TNRC6C: variants seen among roughly 807,000 people sequenced by gnomAD.
TNRC6C encodes trinucleotide repeat-containing gene 6C protein.
Under a neutral mutation model 153.7 loss-of-function variants are expected in TNRC6C, and 20 were observed. The ratio of observed to expected loss-of-function variants is 0.13; its 90% CI spans 0.09 to 0.19. TNRC6C has a LOEUF of 0.19. Ranked by LOEUF, TNRC6C falls within the 10% of genes least tolerant of loss-of-function variation. The pLI is 1.00. For missense variants in TNRC6C, 1,987 were observed against 2,172.0 expected, an observed-to-expected ratio of 0.91 and a Z score of 1.69; for synonymous variants, 811 against 841.4, an observed-to-expected ratio of 0.96 and a Z score of 0.63.
intron 1 of TNRC6C, among the ~76,000 whole-genome samples, chr17:77,981,001 A>G (rs2071068764): frequency 6.6e-6 from 1 of 152,044 alleles, no homozygotes; most frequent in Admixed American, 6.5e-5. Flanking sequence ...TTTTGGAGGC[A>G]GTCTCACTCT....
intron 4 of TNRC6C, among the ~76,000 whole-genome samples, chr17:78,066,028 C>T (rs754248922): frequency 5.9e-5 from 9 of 152,050 alleles, no homozygotes; most frequent in Non-Finnish European, 8.8e-5. Flanking sequence ...GTCAGGAGTT[C>T]GAAACCAGCC....
intron 1 of TNRC6C, among the ~76,000 whole-genome samples, chr17:77,972,597 A>G (rs1427347266): frequency 2.0e-5 from 3 of 152,204 alleles, no homozygotes; most frequent in Non-Finnish European, 4.4e-5. Context: ...CTTTATACCA[A>G]CAAAAGATGA....
chr17:77,958,002 C>A (rs1598631338), upstream of TNRC6C, among the ~76,000 whole-genome samples: 1 of 152,204 alleles, frequency 6.6e-6, no homozygotes, highest in Admixed American at 6.5e-5. Context: ...TTGCTCGCAG[C>A]TGGGCGCTCC....
chr17:78,082,674 C>A (rs2144438224), intron 10 of TNRC6C, among the ~76,000 whole-genome samples: 1 of 152,016 alleles, frequency 6.6e-6, no homozygotes, highest in Non-Finnish European at 1.5e-5. Flanking sequence ...CTCATGCATC[C>A]ATTTATAGGC....
chr17:77,988,988 A>G (rs571282907), intron 1 of TNRC6C, among the ~76,000 whole-genome samples: 2 of 152,334 alleles, frequency 1.3e-5, no homozygotes, highest in South Asian at 2.1e-4. Context: ...TATGTATTGA[A>G]TGAAAGATTG....
At position 78,049,088 on chromosome 17, in the gene TNRC6C, A is replaced by T; in HGVS notation, c.26A>T (p.Asn9Ile). 6.4e-7 allele frequency: 1 copy of T among 1,554,368 alleles called. No individual in the cohort carries two copies. The highest frequency in any genetic ancestry group is 8.7e-7 in the Non-Finnish European group (1 of 1,148,452). ...ATGGCTACAGGGAGTGCCCAGGGCA[A>T]CTTCACTGGACATACCAAGAAGACA... Residue 9 changes from asparagine (N) to isoleucine (I), a missense_variant, in exon 3 of 20, where the codon AAC becomes ATC. This residue lies in a region of TNRC6C where 1,052 missense variants were observed against 1,017.0 expected (regional missense o/e 1.03). Transcript: ENST00000301624. This position sits in a 1 kb window ranked among gnomAD's most constrained non-coding sequence, Gnocchi z 4.1.
chr17:78,019,462 A>T (rs1344903676), intron 1 of TNRC6C, among the ~76,000 whole-genome samples: 12 of 152,206 alleles, frequency 7.9e-5, no homozygotes, highest in Admixed American at 6.5e-4. Context: ...TGACAACACT[A>T]CCTGAAAATT....
At position 78,071,080 on chromosome 17, in the gene TNRC6C, T is replaced by G; in HGVS notation, c.2779-5T>G. 6.3e-7 allele frequency: 1 copy of G among 1,598,544 alleles called. No individual in the cohort carries two copies. Among genetic ancestry groups the G allele is most frequent in the Non-Finnish European group, 8.5e-7 (1 of 1,172,354 alleles). On this transcript the variant is annotated splice_polypyrimidine_tract_variant and splice_region_variant and intron_variant, in intron 5 of 19. Coordinates refer to ENST00000301624, the Ensembl canonical transcript of TNRC6C. ...GACTTCCCCCTTTCCCACACTTTGT[T>G]CAAGGGCATGAAGACGTCTGGCAAG...
intron 1 of TNRC6C, among the ~76,000 whole-genome samples, chr17:77,980,452 C>G (rs1015520507): frequency 6.6e-6 from 1 of 152,144 alleles, no homozygotes; most frequent in African/African-American, 2.4e-5. Flanking sequence ...AGCAAGCAGT[C>G]AGTTCTGCAG....
chr17:78,006,492 T>TTTCTTCTTCTTCTTC (rs57078929), intron 1 of TNRC6C, among the ~76,000 whole-genome samples: 34 of 110,500 alleles, frequency 3.1e-4, no homozygotes, highest in East Asian at 5.5e-4. Flanking sequence ...CTTCTTCTTC[T>TTTCTTCTTCTTCTTC]TTCTTCTTCT....
intron 1 of TNRC6C, among the ~76,000 whole-genome samples, chr17:78,030,680 A>T (rs1309748526): frequency 6.6e-6 from 1 of 152,260 alleles, no homozygotes; most frequent in Non-Finnish European, 1.5e-5. Flanking sequence ...AATTAAAACA[A>T]AAATACATAT....
intron 1 of TNRC6C, among the ~76,000 whole-genome samples, chr17:78,007,618 G>A (rs1409746629): frequency 7.9e-5 from 12 of 152,146 alleles, no homozygotes. Context: ...TGAGGGCAGG[G>A]GCCACATTTG....
At chr17:78,080,459 G>A (rs938721009) in intron 10 of TNRC6C, among the ~76,000 whole-genome samples, 2 of 152,078 alleles carry the variant, frequency 1.3e-5, no homozygotes, top group Non-Finnish European at 1.5e-5. Context: ...AAAAAAGAAA[G>A]AAAGGAAAAA....
intron 3 of TNRC6C, among the ~76,000 whole-genome samples, chr17:78,052,204 A>C (rs993730683): frequency 1.3e-5 from 2 of 152,204 alleles, no homozygotes; most frequent in African/African-American, 4.8e-5. Context: ...TGGGAGTGTG[A>C]ATACTAGCCC....
At chr17:78,065,157 T>C (rs1386685465) in intron 4 of TNRC6C, among the ~76,000 whole-genome samples, 1 of 152,010 alleles carries the variant, frequency 6.6e-6, no homozygotes, top group Non-Finnish European at 1.5e-5. Context: ...GAGACCAGCC[T>C]AGGCAGCATA....
exon 4 of TNRC6C, chr17:78,064,780 A>G (rs1432364261): frequency 1.2e-6 from 2 of 1,613,858 alleles, no homozygotes; most frequent in Middle Eastern, 3.3e-4. Flanking sequence ...ACTCTTGGGG[A>G]GAACCATCCT....
At chr17:78,060,897 A>ATG (rs1413535061) in intron 3 of TNRC6C, among the ~76,000 whole-genome samples, 4 of 152,166 alleles carry the variant, frequency 2.6e-5, no homozygotes, top group Non-Finnish European at 5.9e-5. Flanking sequence ...TTAAGATGTG[A>ATG]TGTGCTTAAC....
chr17:78,049,937 G>C lies in TNRC6C; in HGVS notation c.875G>C (p.Gly292Ala). The change falls in exon 3 of 20, where the codon GGA becomes GCA. Residue 292 changes from glycine to alanine, a missense_variant. Transcript: ENST00000301624. This position sits in a 1 kb window ranked among gnomAD's most constrained non-coding sequence, Gnocchi z 4.1. The stretch of plus-strand genomic sequence containing the variant: ...TCCAGCAGTGCTGTGCAAAAGGAAG[G>C]AAGTGGAGGAAATGCTTGGGATTCA... The C allele has an allele frequency of 6.2e-7, 1 of 1,614,074 alleles. No homozygotes were observed. The highest frequency in any genetic ancestry group is 2.2e-5 in the East Asian group (1 of 44,888).
At chr17:78,014,712 G>C (rs1341759285) in intron 1 of TNRC6C, among the ~76,000 whole-genome samples, 1 of 151,008 alleles carries the variant, frequency 6.6e-6, no homozygotes, top group Admixed American at 6.6e-5. Flanking sequence ...CCTCTGAACG[G>C]CATTTCTCAT....
Sources: gnomAD v4.1 joint callset for allele counts (sites outside exome capture counted in the v4.1 genomes callset) on GRCh38, gnomAD v4.1.1 for gene constraint, gnomAD v4.1.1 regional missense constraint, Gnocchi (gnomAD v3.1) non-coding constraint, MANE v1.5 for transcripts, NCBI Gene and HGNC (gene_info 2026-07-23, HGNC 2026-07-21) for gene names.